NFKB1: variants seen among roughly 807,000 people sequenced by gnomAD.
NFKB1 encodes the protein nuclear factor kappa B subunit 1, also known as nuclear factor NF-kappa-B p105 subunit.
Under a neutral mutation model 105.1 loss-of-function variants are expected in NFKB1, and 9 were observed. The observed-to-expected ratio is 0.09, with a 90% CI of 0.05 to 0.15. The LOEUF is 0.15. Ranked by LOEUF, NFKB1 falls within the 10% of genes least tolerant of loss-of-function variation. The pLI, the probability that NFKB1 is intolerant of heterozygous loss-of-function variation, is 1.00. For synonymous variants in NFKB1, 440 were observed against 442.2 expected, an observed-to-expected ratio of 1.00 and a Z score of 0.06; for missense variants, 830 against 1,203.7, an observed-to-expected ratio of 0.69 and a Z score of 4.59.
At chr4:102,523,588 G>A (rs77830930) in intron 1 of NFKB1, among the ~76,000 whole-genome samples, 28,259 of 152,128 alleles carry the variant, frequency 0.19, 3,614 homozygotes, top group Non-Finnish European at 0.27. Flanking sequence ...AGTGCATTTG[G>A]GTTAAAGAAC....
chr4:102,608,759 C>G (rs1728077270), intron 19 of NFKB1, among the ~76,000 whole-genome samples: 1 of 151,258 alleles, frequency 6.6e-6, no homozygotes, highest in African/African-American at 2.4e-5. Flanking sequence ...TTTTTCTTTT[C>G]TCTTTTGTTA....
intron 7 of NFKB1, among the ~76,000 whole-genome samples, chr4:102,577,375 G>A (rs886491388): frequency 2.0e-5 from 3 of 152,010 alleles, no homozygotes; most frequent in East Asian, 1.9e-4. Flanking sequence ...ACACCCCACC[G>A]TTTCCATTTC....
intron 1 of NFKB1, among the ~76,000 whole-genome samples, chr4:102,523,997 C>T (rs1740734617): frequency 1.3e-5 from 2 of 151,360 alleles, no homozygotes; most frequent in Non-Finnish European, 2.9e-5. Context: ...ATCTGCAGTC[C>T]TAAGTACTCA....
rs1263338087 is a variant in NFKB1, at chr4:102,533,835, T to C, written c.119-10T>C. The C allele has an allele frequency of 1.2e-6, 2 of 1,611,204 alleles. No individual in the cohort carries two copies. The highest frequency in any genetic ancestry group is 2.2e-5 in the South Asian group (2 of 90,310). ...TTCTTTTGGTTTCTGTTTGTTGTTTTTGTTTTTAGCAGATGGCCCATACCT... is the reference window on the plus strand; with the variant it reads ...TTCTTTTGGTTTCTGTTTGTTGTTTCTGTTTTTAGCAGATGGCCCATACCT... On this transcript the variant is annotated splice_polypyrimidine_tract_variant and intron_variant, in intron 3 of 23. Transcript: ENST00000226574.
At chr4:102,581,640 C>T (rs942636313) in intron 9 of NFKB1, among the ~76,000 whole-genome samples, 6 of 151,990 alleles carry the variant, frequency 3.9e-5, no homozygotes, top group East Asian at 1.9e-4. Context: ...GATGACAGAG[C>T]GAGACCCTGT....
At chr4:102,514,332 G>A (rs1383914371) in intron 1 of NFKB1, among the ~76,000 whole-genome samples, 1 of 152,126 alleles carries the variant, frequency 6.6e-6, no homozygotes, top group Admixed American at 6.5e-5. Flanking sequence ...AAATTCAGGT[G>A]TTGAAACAGG....
intron 5 of NFKB1, among the ~76,000 whole-genome samples, chr4:102,563,819 CTTTTTTTTT>C (rs34134600): frequency 8.0e-6 from 1 of 124,636 alleles, no homozygotes; most frequent in African/African-American, 3.1e-5. Context: ...AAGCTTAACT[CTTTTTTTTT>C]TTTTTTTTTT....
chr4:102,584,627 C>CA (rs10711129), intron 10 of NFKB1, 55 bp from the exon 11 acceptor site: 30,152 of 1,303,398 alleles, frequency 0.023, no homozygotes, highest in Middle Eastern at 0.031. Context: ...AGCATTACTG[C>CA]AAAAAAAAAA....
chr4:102,521,622 A>G (rs1183931590), intron 1 of NFKB1, among the ~76,000 whole-genome samples: 7 of 152,210 alleles, frequency 4.6e-5, no homozygotes, highest in Non-Finnish European at 7.3e-5. Context: ...AAAAGTGTGA[A>G]TATCTCTGAT....
intron 2 of NFKB1, among the ~76,000 whole-genome samples, chr4:102,529,124 A>G (rs1442063172): frequency 6.6e-6 from 1 of 152,070 alleles, no homozygotes; most frequent in African/African-American, 2.4e-5. Context: ...GACATACGTA[A>G]ATTTCCTTTT....
intron 1 of NFKB1, among the ~76,000 whole-genome samples, chr4:102,509,012 A>G (rs1739606958): frequency 1.3e-5 from 2 of 152,228 alleles, no homozygotes; most frequent in Admixed American, 6.5e-5. Context: ...CAGACATTTC[A>G]TAATGGATTA....
rs1175587583 is a variant in NFKB1, at chr4:102,612,078, C to T, written c.2387C>T (p.Pro796Leu). 1 of 1,614,016 alleles carries T rather than the reference C, an allele frequency of 6.2e-7. No individual in the cohort carries two copies. The part of the protein sequence containing the change: ...FDILNGKPYE[P>L]EFTSDDLLAQ... Reference sequence around the variant, plus strand: ...ATATTAAATGGGAAACCATATGAGCCAGAGTTTACATCTGATGATTTACTA... The same window carrying T: ...ATATTAAATGGGAAACCATATGAGCTAGAGTTTACATCTGATGATTTACTA... The change falls in exon 21 of 24, where the codon CCA (proline) becomes CTA (leucine). Residue 796 changes from proline (P) to leucine (L), a missense_variant. Pro to Leu is a moderately conservative substitution (Grantham distance 98). Around this residue, in one of 8 missense-constraint regions of NFKB1, gnomAD observed 418 missense variants for 575.3 expected, o/e 0.73. Transcript: ENST00000226574.
In NFKB1 at chr4:102,567,082, C is replaced by G. The variant is rs968064966; in HGVS notation, c.354C>G (p.His118Gln). 2 of 1,613,990 alleles carry G rather than the reference C, an allele frequency of 1.2e-6. No individual in the cohort carries two copies. The highest frequency in any genetic ancestry group is 1.7e-6 in the Non-Finnish European group (2 of 1,179,894). Residue 118 changes from histidine (H) to glutamine (Q), a missense_variant, in exon 6 of 24, where the codon CAC becomes CAG. By Grantham distance (24) the His-to-Gln change is conservative. This residue lies in a region of NFKB1 where 64 missense variants were observed against 79.9 expected (regional missense o/e 0.80). Coordinates refer to ENST00000226574, the MANE Select transcript of NFKB1 (RefSeq NM_003998.4). Reference sequence around the variant, plus strand: ...ATGCCCACAGCCTGGTGGGAAAACACTGTGAGGATGGGATCTGCACTGTAA... The same window carrying G: ...ATGCCCACAGCCTGGTGGGAAAACAGTGTGAGGATGGGATCTGCACTGTAA... ...HLHAHSLVGKHCEDGICTVTA... is the reference protein window; with the variant it reads ...HLHAHSLVGKQCEDGICTVTA...
chr4:102,593,101 A>T (rs1726304613), intron 11 of NFKB1: 1 of 171,184 alleles, frequency 5.8e-6, no homozygotes, highest in Non-Finnish European at 1.2e-5. Context: ...AGGGTCAATA[A>T]TTTTTTAATT....
At chr4:102,579,644 A>T (rs1410702140) in intron 8 of NFKB1, among the ~76,000 whole-genome samples, 16 of 101,734 alleles carry the variant, frequency 1.6e-4, no homozygotes, top group African/African-American at 4.2e-4. Flanking sequence ...CTCAAAAAAA[A>T]AAATATATAT....
At chr4:102,531,045 G>A (rs902129917) in intron 3 of NFKB1, among the ~76,000 whole-genome samples, 1 of 152,148 alleles carries the variant, frequency 6.6e-6, no homozygotes, top group Admixed American at 6.5e-5. Context: ...TTTTAATTCT[G>A]GAGTTCAAAG....
At position 102,606,611 on chromosome 4, in the gene NFKB1, C is replaced by G. The variant is rs774361550; in HGVS notation, c.1868C>G (p.Ala623Gly). The G allele has an allele frequency of 2.3e-5, 37 of 1,614,078 alleles. No homozygotes were observed. The highest frequency in any genetic ancestry group is 3.1e-5 in the Non-Finnish European group (36 of 1,180,056). Reference sequence around the variant, plus strand: ...TTGGGTAACTCTGTTTTGCACCTAGCTGCCAAAGAAGGACATGATAAAGTT... The same window carrying G: ...TTGGGTAACTCTGTTTTGCACCTAGGTGCCAAAGAAGGACATGATAAAGTT... ...DRLGNSVLHL[A>G]AKEGHDKVLS... is the part of the protein sequence containing the mutation. The change falls in exon 17 of 24, where the codon GCT (alanine) becomes GGT (glycine). Residue 623 changes from alanine to glycine, a missense_variant. Coordinates refer to ENST00000226574, the MANE Select transcript of NFKB1 (RefSeq NM_003998.4).
In NFKB1 at chr4:102,566,877, T is replaced by C. The variant is rs1723917859; in HGVS notation, c.259-110T>C. 2.8e-6 allele frequency: 3 copies of C among 1,064,094 alleles called. No homozygotes were observed. The South Asian group carries it at 4.5e-5, about 16-fold the overall frequency. The allele number at this position is 1,064,094 out of a possible 1,614,324, so 65.9% of individuals were successfully genotyped here. A position where few individuals can be genotyped will look rare whatever the true frequency, so the allele number is the denominator to read the frequency against. ...AGGGCTGTAATCATGTATATACATA[T>C]ATGAATAACTTTATATTGTACTTTT... is the stretch of plus-strand genomic sequence containing the variant. On this transcript the variant is annotated intron_variant, in intron 5 of 23. Transcript: ENST00000226574.
rs1234846878 is a variant in NFKB1 at position 102,582,713 on chromosome 4, G to A, written c.836-153G>A. Among the ~76,000 whole-genome samples the A allele has an allele frequency of 3.3e-5, 5 of 152,136 alleles. No individual in the cohort carries two copies. In the East Asian group the frequency reaches 9.6e-4, roughly 29 times the overall value. On this transcript the variant is annotated intron_variant, in intron 9 of 23. Coordinates refer to ENST00000226574, the MANE Select transcript of NFKB1 (RefSeq NM_003998.4). The stretch of plus-strand genomic sequence containing the variant: ...AAATAATGAAAAAAGTCAGTGATTT[G>A]TGAAGATTTTAAAAGACTGAACCTT...
Sources: gnomAD v4.1 joint callset for allele counts (sites outside exome capture counted in the v4.1 genomes callset) on GRCh38, gnomAD v4.1.1 for gene constraint, gnomAD v4.1.1 regional missense constraint, MANE v1.5 for transcripts, NCBI Gene and HGNC (gene_info 2026-07-23, HGNC 2026-07-21) for gene names.